Variants in MYO1F observed in about 807,000 individuals in gnomAD.
The protein encoded by MYO1F is myosin IF.
In MYO1F, 60 loss-of-function variants were observed where a neutral mutation model predicts 146.6. The ratio of observed to expected loss-of-function variants is 0.41; its 90% CI spans 0.33 to 0.51. The LOEUF is 0.51. Ranked by LOEUF, MYO1F falls within the 20% of genes least tolerant of loss-of-function variation. The probability of loss-of-function intolerance (pLI) is 0.25; values close to 1 mark genes in which losing one functional copy is unlikely to be tolerated. For synonymous variants in MYO1F, 602 were observed against 602.1 expected (o/e 1.00, Z 0.00); for missense variants, 1,274 against 1,534.3 (o/e 0.83, Z 2.83).
chr19:8,553,029 T>A (rs1163973829), intron 6 of MYO1F, 110 bp downstream of exon 6: 1 of 1,092,544 alleles, frequency 9.2e-7, no homozygotes, highest in African/African-American at 1.5e-5. Context: ...CCTGCTGGGT[T>A]TTCAATGGAC....
At chr19:8,535,552 G>A (rs530612663) in intron 19 of MYO1F, among the ~76,000 whole-genome samples, 2 of 152,150 alleles carry the variant, frequency 1.3e-5, no homozygotes, top group African/African-American at 4.8e-5. Flanking sequence ...TTACAGGCAT[G>A]CGCTACCACA....
intron 1 of MYO1F, among the ~76,000 whole-genome samples, chr19:8,564,173 G>A (rs1336661135): frequency 6.6e-6 from 1 of 151,938 alleles, no homozygotes; most frequent in Non-Finnish European, 1.5e-5. Context: ...TTGAGGTCAG[G>A]AGTTCGAGAC....
intron 14 of MYO1F, chr19:8,544,036 CGGTGCT>C (rs1362923892): frequency 4.1e-5 from 11 of 270,258 alleles, no homozygotes; most frequent in South Asian, 1.2e-4. Flanking sequence ...GTGGCGGTGG[CGGTGCT>C]GGTGGTGGTG....
At chr19:8,526,692 C>T in intron 23 of MYO1F, 91 bp from the exon 24 acceptor site, 2 of 1,532,798 alleles carry the variant, frequency 1.3e-6, no homozygotes, top group Non-Finnish European at 8.8e-7. Flanking sequence ...GGGCCGCGGC[C>T]GGGGCCGAAG....
Position 8,551,895 on chromosome 19 carries a change from A to T in MYO1F, c.637-21T>A, listed in dbSNP as rs756569428. 2.5e-6 allele frequency: 4 copies of T among 1,613,790 alleles called. No individual in the cohort carries two copies. In the African/African-American group the frequency reaches 5.3e-5, roughly 22 times the overall value. Reference sequence around the variant, plus strand: ...AGCAGCTGGAGGGTGTGCCATGTTCATGCATCTGGTGCTTGCCTGGCTCAG... The same window carrying T: ...AGCAGCTGGAGGGTGTGCCATGTTCTTGCATCTGGTGCTTGCCTGGCTCAG... On this transcript the variant is annotated intron_variant, in intron 7 of 27. Transcript: ENST00000644032.
intron 15 of MYO1F, 124 bp from the exon 16 acceptor site, chr19:8,540,152 C>A: frequency 1.4e-6 from 1 of 704,882 alleles, no homozygotes. Context: ...TGGAGGGGAG[C>A]TGTGATGGGT....
chr19:8,569,253 C>T (rs981493753), intron 1 of MYO1F, among the ~76,000 whole-genome samples: 2 of 151,964 alleles, frequency 1.3e-5, no homozygotes, highest in African/African-American at 2.4e-5. Context: ...GGGGATGCAA[C>T]GAAGAGCTTG....
At chr19:8,548,745 G>C (rs1246819096) in intron 10 of MYO1F, among the ~76,000 whole-genome samples, 2 of 149,692 alleles carry the variant, frequency 1.3e-5, no homozygotes, top group African/African-American at 4.9e-5. Context: ...GAACTACAAG[G>C]GCCTGCCACC....
chr19:8,553,679 C>T lies in MYO1F; in HGVS notation c.327-242G>A, dbSNP rs558780775. On this transcript the variant is annotated intron_variant, in intron 4 of 27. Transcript: ENST00000644032. ...CTTGAGGTCAAAAGTTAGAGACCAG[C>T]CTGGCCAACATGGTGAAACCCAGTC... Among the ~76,000 whole-genome samples, 5 of 152,052 alleles carry T rather than the reference C, an allele frequency of 3.3e-5. No individual in the cohort carries two copies. In the South Asian group the frequency reaches 1.0e-3, roughly 32 times the overall value.
In MYO1F at chr19:8,522,000, GC is replaced by G. The variant is rs377360639; in HGVS notation, c.3220+376del. On this transcript the variant is annotated intron_variant, in intron 27 of 27. Coordinates refer to ENST00000644032, the MANE Select transcript of MYO1F (RefSeq NM_012335.4). ...GGGAGGGTGTGCAGTGGTGGGGTCT[GC>G]CTGGCAATGTCAGTCAGGGTTCTTT... is the stretch of plus-strand genomic sequence containing the variant. Among the ~76,000 whole-genome samples the G allele has an allele frequency of 1.9e-3, 292 of 150,134 alleles. 2 individuals carry two copies. The highest frequency in any genetic ancestry group is 0.01 in the Middle Eastern group (3 of 286).
At chr19:8,529,894 G>C (rs1381033525) in intron 21 of MYO1F, 1 of 547,884 alleles carries the variant, frequency 1.8e-6, no homozygotes, top group Non-Finnish European at 3.3e-6. Context: ...CTGTGGGCAG[G>C]TGTGCCTGGG....
At chr19:8,526,014 G>C (rs892298517) in intron 24 of MYO1F, among the ~76,000 whole-genome samples, 1 of 152,042 alleles carries the variant, frequency 6.6e-6, no homozygotes. Context: ...CCCACTAATT[G>C]GTTGCGGCCT....
chr19:8,525,355 G>T (rs1972221098), intron 25 of MYO1F, 124 bp downstream of exon 25: 1 of 824,244 alleles, frequency 1.2e-6, no homozygotes, highest in Admixed American at 2.1e-5. Flanking sequence ...TGGAGCTACG[G>T]AGAGTCCTGG....
At position 8,525,482 on chromosome 19, in the gene MYO1F, T is replaced by TG. The variant is rs775516250; in HGVS notation, c.2850dup (p.Arg951GlnfsTer62). 2 of 1,612,938 alleles carry TG rather than the reference T, an allele frequency of 1.2e-6. No individual in the cohort carries two copies. The highest frequency in any genetic ancestry group is 4.5e-5 in the East Asian group (2 of 44,894). On this transcript the variant is annotated frameshift_variant, in exon 25 of 28. Coordinates refer to ENST00000644032, the MANE Select transcript of MYO1F (RefSeq NM_012335.4). LOFTEE classifies it high-confidence loss of function. ...AGCAAGGGACGCAGCTCCTCACCTC[T>TG]GGGGGGCGCAGGGGCCGCCCGGGTA...
In MYO1F at chr19:8,530,688, C is replaced by T. The variant is rs1568335705; in HGVS notation, c.2044-115G>A. 1 of 815,370 alleles carries T rather than the reference C, an allele frequency of 1.2e-6. No individual in the cohort carries two copies. Among genetic ancestry groups the T allele is most frequent in the African/African-American group, 1.7e-5 (1 of 59,020 alleles). The allele number at this position is 815,370 out of a possible 1,614,324, so 50.5% of individuals were successfully genotyped here. A position where few individuals can be genotyped will look rare whatever the true frequency, so the allele number is the denominator to read the frequency against. On this transcript the variant is annotated intron_variant, in intron 19 of 27. Coordinates refer to ENST00000644032, the MANE Select transcript of MYO1F (RefSeq NM_012335.4). This position sits in a 1 kb window ranked among gnomAD's most constrained non-coding sequence, Gnocchi z 5.8. ...ACGCTTTTGCTCACCCATCCCCACA[C>T]ATGTGCTAATTTTTTTAAGAGGCGG...
intron 17 of MYO1F, 169 bp from the exon 18 acceptor site, chr19:8,536,766 T>TG: frequency 1.6e-5 from 1 of 61,992 alleles, no homozygotes; most frequent in Non-Finnish European, 2.9e-5. Context: ...GCCTGGGGAC[T>TG]GGGGGGAGGG....
At chr19:8,554,435 G>A in intron 4 of MYO1F, 42 bp downstream of exon 4, 1 of 1,525,204 alleles carries the variant, frequency 6.6e-7, no homozygotes. Flanking sequence ...TTCAGCAGGG[G>A]CCCGGGCAGC....
At chr19:8,556,722 T>C (rs1171940437) in intron 1 of MYO1F, among the ~76,000 whole-genome samples, 2 of 150,526 alleles carry the variant, frequency 1.3e-5, no homozygotes, top group African/African-American at 2.4e-5. Context: ...ACCCCGTCTA[T>C]ACTAAAAATA....
At chr19:8,571,393 C>T (rs1278843648) in intron 1 of MYO1F, among the ~76,000 whole-genome samples, 1 of 151,636 alleles carries the variant, frequency 6.6e-6, no homozygotes, top group Non-Finnish European at 1.5e-5. Context: ...GGACTGGACT[C>T]TGTTTCTTTT....
Sources: allele counts gnomAD v4.1 joint callset (sites outside exome capture counted in the v4.1 genomes callset), GRCh38; gene constraint gnomAD v4.1.1; non-coding constraint Gnocchi (gnomAD v3.1); transcripts MANE v1.5; gene names NCBI Gene and HGNC (gene_info 2026-07-23, HGNC 2026-07-21).